The following PPP1R3A variants were observed in gnomAD, a reference collection of about 807,000 sequenced individuals.
PPP1R3A encodes the protein RG1.
A neutral mutation model predicts 41.7 loss-of-function variants in PPP1R3A; 29 were observed. The observed-to-expected ratio is 0.70, with a 90% CI of 0.52 to 0.95. The LOEUF is 0.95. Ranked by LOEUF, PPP1R3A falls within the 40% of genes least tolerant of loss-of-function variation. The pLI, the probability that PPP1R3A is intolerant of heterozygous loss-of-function variation, is 0.00. For synonymous variants in PPP1R3A, 485 were observed against 453.4 expected (o/e 1.07, Z -0.89); for missense variants, 1,352 against 1,292.4 (o/e 1.05, Z -0.71).
rs148244792 is a variant in PPP1R3A, at chr7:113,916,627, G to A, written c.782+1588C>T. ...ATGAGCTTTTAGACAATAATGCTGC[G>A]CCTTTTCTAAATTTTGGTTTCTCTA... is the stretch of plus-strand genomic sequence containing the variant. On this transcript the variant is annotated intron_variant, in intron 1 of 3. Coordinates refer to ENST00000284601, the MANE Select transcript of PPP1R3A (RefSeq NM_002711.4). 2.5e-3 allele frequency among the ~76,000 whole-genome samples: 377 copies of A among 152,114 alleles called. 3 individuals are homozygous for A. The highest frequency in any genetic ancestry group is 0.017 in the Middle Eastern group (5 of 294).
chr7:113,884,423 A>G (rs1021620422), intron 1 of PPP1R3A, among the ~76,000 whole-genome samples: 4 of 152,038 alleles, frequency 2.6e-5, no homozygotes, highest in Non-Finnish European at 4.4e-5. Flanking sequence ...AGGCAAACTA[A>G]TAAGACAAGA....
intron 1 of PPP1R3A, among the ~76,000 whole-genome samples, chr7:113,890,852 A>C (rs1413991542): frequency 6.6e-6 from 1 of 152,068 alleles, no homozygotes; most frequent in Non-Finnish European, 1.5e-5. Context: ...TGCAACTTAC[A>C]GAAAGATTTA....
At chr7:113,897,579 A>G (rs1341095947) in intron 1 of PPP1R3A, among the ~76,000 whole-genome samples, 1 of 151,326 alleles carries the variant, frequency 6.6e-6, no homozygotes, top group East Asian at 2.0e-4. Flanking sequence ...AAAAAAAAAA[A>G]AGTTATGCAA....
intron 1 of PPP1R3A, among the ~76,000 whole-genome samples, chr7:113,917,380 G>A (rs79066336): frequency 0.011 from 1,718 of 152,114 alleles, 26 homozygotes; most frequent in African/African-American, 0.037. Flanking sequence ...TACTTACCTA[G>A]TGTCACAGAA....
rs1416205877 is a variant in PPP1R3A at position 113,877,632 on chromosome 7, T to C, written c.*91A>G. The C allele has an allele frequency of 7.1e-7, 1 of 1,416,696 alleles. No individual in the cohort carries two copies. The highest frequency in any genetic ancestry group is 1.4e-5 in the African/African-American group (1 of 69,478). 87.8% of individuals were successfully genotyped at this position (1,416,696 alleles called of 1,614,324 possible). The stretch of plus-strand genomic sequence containing the variant: ...TGATCCTTCAAGAGAAAAACTGCAC[T>C]GGATCTTTGAACAATGAATAGTCCC... On this transcript the variant is annotated 3_prime_UTR_variant, in exon 4 of 4. Transcript: ENST00000284601.
chr7:113,895,254 T>C (rs1796958329), intron 1 of PPP1R3A, among the ~76,000 whole-genome samples: 1 of 151,958 alleles, frequency 6.6e-6, no homozygotes, highest in South Asian at 2.1e-4. Context: ...GAGTAAATCA[T>C]GTGAAATGAT....
At chr7:113,913,233 G>T (rs921111967) in intron 1 of PPP1R3A, among the ~76,000 whole-genome samples, 11 of 152,026 alleles carry the variant, frequency 7.2e-5, no homozygotes, top group Admixed American at 7.2e-4. Context: ...CACCTCTTTG[G>T]ACTATTTCCA....
Position 113,879,230 on chromosome 7 carries a change from C to T in PPP1R3A, c.1862G>A (p.Arg621Lys). 1.2e-6 allele frequency: 2 copies of T among 1,613,640 alleles called. No homozygotes were observed. The highest frequency in any genetic ancestry group is 1.3e-5 in the African/African-American group (1 of 74,980). The change falls in exon 4 of 4, where the codon AGA becomes AAA. Residue 621 changes from arginine to lysine, a missense_variant. By Grantham distance (26) the Arg-to-Lys change is conservative (BLOSUM62 2). Coordinates refer to ENST00000284601, the MANE Select transcript of PPP1R3A (RefSeq NM_002711.4). ...GGITGQVCSS[R>K]TGNVLRNDYL... ...ATCATTCCTCAAAACATTTCCAGTT[C>T]TTGATGAACAAACTTGACCAGTTAT... is the stretch of plus-strand genomic sequence containing the variant.
intron 3 of PPP1R3A, among the ~76,000 whole-genome samples, chr7:113,881,426 C>A (rs954798928): frequency 1.3e-5 from 2 of 151,906 alleles, no homozygotes; most frequent in African/African-American, 4.8e-5. Context: ...TATAAACCAT[C>A]CCCCCAAAAA....
At position 113,879,528 on chromosome 7, in the gene PPP1R3A, T is replaced by C; in HGVS notation, c.1564A>G (p.Ile522Val). Residue 522 changes from isoleucine to valine, a missense_variant, in exon 4 of 4, where the codon ATA becomes GTA. Ile to Val is a conservative substitution (Grantham distance 29, BLOSUM62 3). Coordinates refer to ENST00000284601, the MANE Select transcript of PPP1R3A (RefSeq NM_002711.4). ...TGTTTTTCATTAACACCTAAATATATTCTTTGTTCTTCATCATCCTTACCA... is the reference window on the plus strand; with the variant it reads ...TGTTTTTCATTAACACCTAAATATACTCTTTGTTCTTCATCATCCTTACCA... ...GNGKDDEEQR[I>V]YLGVNEKQRK... 6.2e-7 allele frequency: 1 copy of C among 1,612,984 alleles called. No individual in the cohort carries two copies. Among genetic ancestry groups the C allele is most frequent in the Non-Finnish European group, 8.5e-7 (1 of 1,179,410 alleles).
chr7:113,902,037 A>G (rs1263539278), intron 1 of PPP1R3A, among the ~76,000 whole-genome samples: 1 of 151,822 alleles, frequency 6.6e-6, no homozygotes, highest in Non-Finnish European at 1.5e-5. Flanking sequence ...CTTGGCTCCT[A>G]ATTTTAATGA....
intron 1 of PPP1R3A, among the ~76,000 whole-genome samples, chr7:113,905,006 A>T (rs998093988): frequency 6.6e-6 from 1 of 151,604 alleles, no homozygotes; most frequent in African/African-American, 2.4e-5. Flanking sequence ...TACAAACACC[A>T]TGTATTACCT....
intron 1 of PPP1R3A, among the ~76,000 whole-genome samples, chr7:113,891,851 A>G (rs566940656): frequency 9.9e-5 from 15 of 152,166 alleles, no homozygotes; most frequent in Admixed American, 6.6e-4. Context: ...AAAACCTCTT[A>G]AAGATCTATG....
intron 1 of PPP1R3A, among the ~76,000 whole-genome samples, chr7:113,892,188 T>C (rs896230770): frequency 1.3e-5 from 2 of 152,026 alleles, no homozygotes; most frequent in Admixed American, 1.3e-4. Flanking sequence ...TCTCATTTCT[T>C]TTGCTCTCCT....
chr7:113,888,876 T>C (rs1461743546), intron 1 of PPP1R3A, among the ~76,000 whole-genome samples: 1 of 152,208 alleles, frequency 6.6e-6, no homozygotes, highest in African/African-American at 2.4e-5. Context: ...TCTAAGGAAC[T>C]AGAAATCAAG....
intron 3 of PPP1R3A, among the ~76,000 whole-genome samples, chr7:113,881,219 A>C (rs936981517): frequency 3.3e-5 from 5 of 152,070 alleles, no homozygotes; most frequent in African/African-American, 1.2e-4. Flanking sequence ...GAAAAGGTGG[A>C]ATATGTGGGG....
At position 113,918,625 on chromosome 7, in the gene PPP1R3A, T is replaced by C. The variant is rs1435251624; in HGVS notation, c.372A>G (p.Gln124=). 6.2e-7 allele frequency: 1 copy of C among 1,613,506 alleles called. No individual in the cohort carries two copies. The highest frequency in any genetic ancestry group is 1.3e-5 in the African/African-American group (1 of 74,910). Reference sequence around the variant, plus strand: ...TTGACTCCAGTATTGCTTTCTGTATTTGGAGTTGTTGCATAAGATCTTCTT... The same window carrying C: ...TTGACTCCAGTATTGCTTTCTGTATCTGGAGTTGTTGCATAAGATCTTCTT... The part of the protein sequence containing the change: ...SSKEDLMQQL[Q]IQKAILESTE... The change falls in exon 1 of 4, where the codon CAA becomes CAG. Residue 124 remains glutamine, a synonymous_variant. Coordinates refer to ENST00000284601, the MANE Select transcript of PPP1R3A (RefSeq NM_002711.4).
At chr7:113,885,694 T>C (rs1017105002) in intron 1 of PPP1R3A, among the ~76,000 whole-genome samples, 2 of 151,534 alleles carry the variant, frequency 1.3e-5, no homozygotes, top group South Asian at 4.2e-4. Context: ...ACAATATGGA[T>C]AAATCTTAGC....
chr7:113,891,104 A>C (rs1377730281), intron 1 of PPP1R3A, among the ~76,000 whole-genome samples: 42 of 150,326 alleles, frequency 2.8e-4, no homozygotes, highest in African/African-American at 5.1e-4. Flanking sequence ...AAAAAAAAAA[A>C]AAAAAAAAAA....
Sources: allele counts gnomAD v4.1 joint callset (sites outside exome capture counted in the v4.1 genomes callset), GRCh38; gene constraint gnomAD v4.1.1; transcripts MANE v1.5; gene names NCBI Gene and HGNC (gene_info 2026-07-23, HGNC 2026-07-21).